The following WDR41 variants were observed in gnomAD, a reference collection of about 807,000 sequenced individuals.
The protein encoded by WDR41 is WD repeat-containing protein 41.
In WDR41, 63 loss-of-function variants were observed where a neutral mutation model predicts 69.3. That is an observed-to-expected ratio of 0.91 (90% CI 0.74 to 1.12). The LOEUF (loss-of-function observed/expected upper bound fraction) is 1.12. Among genes scored for constraint, WDR41 ranks in the 50% most tolerant of loss-of-function variants. WDR41 has a pLI of 0.00. For missense variants in WDR41, 543 were observed against 534.5 expected, an observed-to-expected ratio of 1.02 and a Z score of -0.16; for synonymous variants, 185 against 192.1, an observed-to-expected ratio of 0.96 and a Z score of 0.31.
chr5:77,460,220 C>T (rs1290405940), intron 4 of WDR41, among the ~76,000 whole-genome samples: 2 of 152,190 alleles, frequency 1.3e-5, no homozygotes, highest in African/African-American at 4.8e-5. Context: ...CCCTTTCACA[C>T]CATCATAAAG....
rs1314309473 is a variant in WDR41, at chr5:77,438,282, G to A, written c.962C>T (p.Ala321Val). ...AACGTGCAGGACATTGGAGTCATGT[G>A]CAGTTTTCTGGCAGGCAATCACACG... ...MKRVIACQKT[A>V]HDSNVLHVAR... Residue 321 changes from alanine to valine, a missense_variant, in exon 10 of 13, where the codon GCA (alanine) becomes GTA (valine). Coordinates refer to ENST00000296679, the MANE Select transcript of WDR41 (RefSeq NM_018268.4). 1.2e-6 allele frequency: 2 copies of A among 1,614,074 alleles called. No individual in the cohort carries two copies. Among genetic ancestry groups the A allele is most frequent in the Non-Finnish European group, 1.7e-6 (2 of 1,179,934 alleles).
intron 1 of WDR41, among the ~76,000 whole-genome samples, chr5:77,564,631 C>T (rs976049081): frequency 6.6e-6 from 1 of 152,036 alleles, no homozygotes; most frequent in Non-Finnish European, 1.5e-5. Context: ...AGGTTCTATT[C>T]TTAACACTCA....
chr5:77,497,886 T>C (rs997875391), intron 1 of WDR41, among the ~76,000 whole-genome samples: 9 of 152,216 alleles, frequency 5.9e-5, no homozygotes, highest in Non-Finnish European at 8.8e-5. Flanking sequence ...ATGTGATGTA[T>C]GCATATAATG....
chr5:77,464,940 A>T lies in WDR41; in HGVS notation c.168-131T>A, dbSNP rs780740924. ...AAGATCAAGTTATTTCAGCTAATTT[A>T]AAAAATATTTATGAAACACATTCCA... is the stretch of plus-strand genomic sequence containing the variant. On this transcript the variant is annotated intron_variant, in intron 2 of 12. Transcript: ENST00000296679. 6.5e-4 allele frequency: 580 copies of T among 896,474 alleles called. 1 individual carries two copies. Among genetic ancestry groups the T allele is most frequent in the Non-Finnish European group, 7.9e-4 (458 of 580,964 alleles). The allele number at this position is 896,474 out of a possible 1,614,324, so 55.5% of individuals were successfully genotyped here. A position where few individuals can be genotyped will look rare whatever the true frequency, so the allele number is the denominator to read the frequency against.
intron 1 of WDR41, among the ~76,000 whole-genome samples, chr5:77,500,875 TC>T (rs1335664804): frequency 9.2e-5 from 14 of 152,342 alleles, no homozygotes; most frequent in Admixed American, 9.1e-4. Context: ...AATCTTGTAG[TC>T]CCTGCTCTCA....
At chr5:77,470,816 C>A (rs1361842493) in intron 2 of WDR41, among the ~76,000 whole-genome samples, 1 of 152,006 alleles carries the variant, frequency 6.6e-6, no homozygotes, top group Non-Finnish European at 1.5e-5. Flanking sequence ...TAGACTCCCA[C>A]ACAATAATAA....
At chr5:77,552,841 G>A (rs1580006310) in intron 1 of WDR41, among the ~76,000 whole-genome samples, 1 of 152,042 alleles carries the variant, frequency 6.6e-6, no homozygotes, top group African/African-American at 2.4e-5. Flanking sequence ...ATATCCATAT[G>A]GGGAAAAAAA....
chr5:77,575,934 G>C (rs568557627), intron 1 of WDR41, among the ~76,000 whole-genome samples: 3 of 152,290 alleles, frequency 2.0e-5, no homozygotes, highest in African/African-American at 4.8e-5. Context: ...ACCATAAAGT[G>C]ACAAAGCTAA....
At position 77,438,298 on chromosome 5, in the gene WDR41, C is replaced by T; in HGVS notation, c.946G>A (p.Ala316Thr). Residue 316 changes from alanine (A) to threonine (T), a missense_variant, in exon 10 of 13, where the codon GCC becomes ACC. By Grantham distance (58) the Ala-to-Thr change is moderately conservative. Transcript: ENST00000296679. The stretch of plus-strand genomic sequence containing the variant: ...GAGTCATGTGCAGTTTTCTGGCAGG[C>T]AATCACACGCTTCATTTGAAGGCTA... ...VYSLQMKRVIACQKTAHDSNV... is the reference protein window; with the variant it reads ...VYSLQMKRVITCQKTAHDSNV... 1.2e-6 allele frequency: 2 copies of T among 1,614,060 alleles called. No individual in the cohort carries two copies. The highest frequency in any genetic ancestry group is 1.7e-6 in the Non-Finnish European group (2 of 1,179,924).
intron 7 of WDR41, 99 bp downstream of exon 7, chr5:77,451,192 A>T (rs1346646360): frequency 3.8e-6 from 4 of 1,066,004 alleles, no homozygotes; most frequent in African/African-American, 1.6e-5. Flanking sequence ...AGAGTGGGGC[A>T]CACGCAATGT....
At chr5:77,518,974 A>G (rs1802333227) in intron 1 of WDR41, among the ~76,000 whole-genome samples, 1 of 152,104 alleles carries the variant, frequency 6.6e-6, no homozygotes, top group Non-Finnish European at 1.5e-5. Context: ...AAGCAAGAAC[A>G]CTACATTTAT....
chr5:77,567,225 T>G (rs1233394276), intron 1 of WDR41, among the ~76,000 whole-genome samples: 1 of 152,104 alleles, frequency 6.6e-6, no homozygotes, highest in African/African-American at 2.4e-5. Context: ...AATACAAAAA[T>G]TTAATTTTAG....
chr5:77,474,632 G>T (rs1177849922), intron 2 of WDR41, among the ~76,000 whole-genome samples: 3 of 152,122 alleles, frequency 2.0e-5, no homozygotes, highest in Non-Finnish European at 4.4e-5. Flanking sequence ...CCTTAAAAAA[G>T]AATGTATTAT....
intron 1 of WDR41, among the ~76,000 whole-genome samples, chr5:77,589,184 T>C (rs1017459129): frequency 6.6e-6 from 1 of 152,204 alleles, no homozygotes; most frequent in Non-Finnish European, 1.5e-5. Flanking sequence ...AAATAAATTT[T>C]AGCAGGTATG....
At chr5:77,482,688 T>C (rs981251806) in intron 2 of WDR41, among the ~76,000 whole-genome samples, 2 of 152,134 alleles carry the variant, frequency 1.3e-5, no homozygotes, top group African/African-American at 4.8e-5. Flanking sequence ...CTATCTTGTG[T>C]GTGTATGTGT....
At chr5:77,519,003 C>T (rs771894727) in intron 1 of WDR41, among the ~76,000 whole-genome samples, 1 of 151,984 alleles carries the variant, frequency 6.6e-6, no homozygotes, top group Non-Finnish European at 1.5e-5. Context: ...AAAACACTTT[C>T]AAGGTCTTTA....
At chr5:77,505,330 G>A (rs1228953038) in intron 1 of WDR41, among the ~76,000 whole-genome samples, 13 of 152,226 alleles carry the variant, frequency 8.5e-5, no homozygotes, top group Middle Eastern at 3.4e-3. Context: ...GGGATGTGAA[G>A]GACCTCTTCA....
chr5:77,590,048 C>CT, intron 1 of WDR41, among the ~76,000 whole-genome samples: 1 of 152,002 alleles, frequency 6.6e-6, no homozygotes, highest in African/African-American at 2.4e-5. Context: ...TCTATCAATG[C>CT]TTTTTTTCTT....
chr5:77,528,266 G>A (rs1802477639), intron 1 of WDR41, among the ~76,000 whole-genome samples: 1 of 151,610 alleles, frequency 6.6e-6, no homozygotes, highest in Non-Finnish European at 1.5e-5. Context: ...ATATTAAGAG[G>A]TGGCTACTAA....
Sources: allele counts gnomAD v4.1 joint callset (sites outside exome capture counted in the v4.1 genomes callset), GRCh38; gene constraint gnomAD v4.1.1; transcripts MANE v1.5; gene names NCBI Gene and HGNC (gene_info 2026-07-23, HGNC 2026-07-21).